PDE3A: variants seen among roughly 807,000 people sequenced by gnomAD.
PDE3A encodes the protein cGMP-inhibited 3',5'-cyclic phosphodiesterase 3A.
A neutral mutation model predicts 98.3 loss-of-function variants in PDE3A; 43 were observed. The ratio of observed to expected loss-of-function variants is 0.44; its 90% CI spans 0.34 to 0.56. PDE3A has a LOEUF of 0.56. PDE3A is among the 20% of genes least tolerant of loss of function. The probability of loss-of-function intolerance (pLI) is 0.01; values close to 1 mark genes in which losing one functional copy is unlikely to be tolerated. For synonymous variants in PDE3A, 663 were observed against 567.9 expected (o/e 1.17, Z -2.38); for missense variants, 1,427 against 1,440.7 (o/e 0.99, Z 0.15).
chr12:20,372,676 A>T (rs1284296342), intron 1 of PDE3A, among the ~76,000 whole-genome samples: 2 of 152,168 alleles, frequency 1.3e-5, no homozygotes, highest in East Asian at 3.8e-4. Flanking sequence ...GTGAAGTCAA[A>T]CATCAAAATA....
At chr12:20,524,862 C>T (rs954310215) in intron 1 of PDE3A, among the ~76,000 whole-genome samples, 4 of 152,012 alleles carry the variant, frequency 2.6e-5, no homozygotes, top group Non-Finnish European at 5.9e-5. Context: ...AGGCCGGGCT[C>T]GGTGGCTCAC....
At chr12:20,384,698 G>A (rs939877334) in intron 1 of PDE3A, among the ~76,000 whole-genome samples, 6 of 151,484 alleles carry the variant, frequency 4.0e-5, no homozygotes, top group African/African-American at 1.2e-4. Context: ...CGCCCCACCC[G>A]ACAGACTCCA....
intron 1 of PDE3A, among the ~76,000 whole-genome samples, chr12:20,376,518 T>G (rs1450461404): frequency 6.6e-6 from 1 of 151,992 alleles, no homozygotes; most frequent in Non-Finnish European, 1.5e-5. Flanking sequence ...TGGAATGAAT[T>G]ATTCTTGACT....
chr12:20,647,806 T>C (rs779911198), intron 12 of PDE3A, among the ~76,000 whole-genome samples: 8 of 152,102 alleles, frequency 5.3e-5, no homozygotes, highest in Non-Finnish European at 1.0e-4. Flanking sequence ...TCCACTTGTC[T>C]TTCATACACC....
rs536935730 is a variant in PDE3A, at chr12:20,583,610, A to C, written c.1011+26900A>C. 1.7e-3 allele frequency among the ~76,000 whole-genome samples: 256 copies of C among 152,320 alleles called. 1 individual carries two copies. The highest frequency in any genetic ancestry group is 5.9e-3 in the African/African-American group (245 of 41,570). On this transcript the variant is annotated intron_variant, in intron 2 of 15. Coordinates refer to ENST00000359062, the MANE Select transcript of PDE3A (RefSeq NM_000921.5). ...CAACTTACTTAAACTCTATGAGCTAATCTGTAAAATACACATAATATTAGT... is the reference window on the plus strand; with the variant it reads ...CAACTTACTTAAACTCTATGAGCTACTCTGTAAAATACACATAATATTAGT...
rs1943428104 is a variant in PDE3A at position 20,369,786 on chromosome 12, T to A, written c.502T>A (p.Cys168Ser). 1.9e-6 allele frequency: 3 copies of A among 1,612,350 alleles called. No individual in the cohort carries two copies. In the African/African-American group the frequency reaches 4.0e-5, roughly 22 times the overall value. ...PLAVALLAAC[C>S]GGEALVQIGL... is the part of the protein sequence containing the mutation. The stretch of plus-strand genomic sequence containing the variant: ...GGCTGTCGCGCTGCTGGCCGCCTGC[T>A]GCGGGGGGGAAGCGCTCGTCCAGAT... The change falls in exon 1 of 16, where the codon TGC (cysteine) becomes AGC (serine). Residue 168 changes from cysteine to serine, a missense_variant. Transcript: ENST00000359062.
intron 1 of PDE3A, among the ~76,000 whole-genome samples, chr12:20,510,994 G>A (rs1405216375): frequency 6.6e-6 from 1 of 151,978 alleles, no homozygotes; most frequent in Non-Finnish European, 1.5e-5. Context: ...CTTCAGTCAC[G>A]AGTCAGCCAG....
In PDE3A at chr12:20,500,896, T is replaced by C. The variant is rs570836675; in HGVS notation, c.961-55764T>C. 5.3e-5 allele frequency among the ~76,000 whole-genome samples: 8 copies of C among 151,926 alleles called. No homozygotes were observed. The South Asian group carries it at 1.5e-3, about 28-fold the overall frequency. ...AATCCTCCTGACTCAGTCCCTGAAG[T>C]AGCTGGAACTACAAGTGTGCGCTAC... On this transcript the variant is annotated intron_variant, in intron 1 of 15. Coordinates refer to ENST00000359062, the MANE Select transcript of PDE3A (RefSeq NM_000921.5).
Position 20,688,358 on chromosome 12 carries a change from A to G in PDE3A, c.*8087A>G, listed in dbSNP as rs1038046174. Among the ~76,000 whole-genome samples, 5 of 151,666 alleles carry G rather than the reference A, an allele frequency of 3.3e-5. No individual in the cohort carries two copies. The highest frequency in any genetic ancestry group is 9.7e-5 in the African/African-American group (4 of 41,308). ...TTTGTAAAAAGTAGAATCTGTACAG[A>G]AAAAAAACTAGATCAATTGTATTTA... On this transcript the variant is annotated 3_prime_UTR_variant, in exon 16 of 16. Transcript: ENST00000359062.
rs756698644 is a variant in PDE3A, at chr12:20,630,055, G to A, written c.1688G>A (p.Arg563Lys). ...GCCAAACAAAGCCTAGGTTCTCACAGGGCCTTAACTTACACTCAGAGTGCC... is the reference window on the plus strand; with the variant it reads ...GCCAAACAAAGCCTAGGTTCTCACAAGGCCTTAACTTACACTCAGAGTGCC... ...TTAKQSLGSHRALTYTQSAPD... is the reference protein window; with the variant it reads ...TTAKQSLGSHKALTYTQSAPD... The change falls in exon 6 of 16, where the codon AGG becomes AAG. Residue 563 changes from arginine to lysine, a missense_variant. Transcript: ENST00000359062. The A allele has an allele frequency of 6.2e-7, 1 of 1,613,962 alleles. No individual in the cohort carries two copies. Among genetic ancestry groups the A allele is most frequent in the East Asian group, 2.2e-5 (1 of 44,862 alleles).
In PDE3A at chr12:20,370,218, T is replaced by C; in HGVS notation, c.934T>C (p.Ser312Pro). The change falls in exon 1 of 16, where the codon TCC becomes CCC. Residue 312 changes from serine (S) to proline (P), a missense_variant. Physicochemically the swap from Ser to Pro is moderately conservative, Grantham distance 74. Around this residue, in one of 3 missense-constraint regions of PDE3A, gnomAD observed 1,012 missense variants for 886.5 expected, o/e 1.14. Transcript: ENST00000359062. ...GCSSKSHRRT[S>P]LPCIPREQLM... ...CAGCAGCAAGTCCCATCGGAGGACC[T>C]CCCTGCCCTGTATACCGAGGGAACA... The C allele has an allele frequency of 6.3e-7, 1 of 1,589,422 alleles. No homozygotes were observed. Among genetic ancestry groups the C allele is most frequent in the Non-Finnish European group, 8.6e-7 (1 of 1,169,588 alleles).
At chr12:20,371,823 T>C (rs1839166365) in intron 1 of PDE3A, among the ~76,000 whole-genome samples, 1 of 152,176 alleles carries the variant, frequency 6.6e-6, no homozygotes. Flanking sequence ...CTAACCATTT[T>C]AATTTCTTTT....
chr12:20,571,421 AC>A (rs1236565816), intron 2 of PDE3A, among the ~76,000 whole-genome samples: 1 of 151,782 alleles, frequency 6.6e-6, no homozygotes, highest in Non-Finnish European at 1.5e-5. Context: ...ATGAATGCTG[AC>A]CCCCCTGGAG....
intron 1 of PDE3A, among the ~76,000 whole-genome samples, chr12:20,493,511 C>A (rs1014887869): frequency 6.6e-6 from 1 of 152,164 alleles, no homozygotes; most frequent in African/African-American, 2.4e-5. Context: ...GGTCCTAGAG[C>A]AAATTCCCCT....
At chr12:20,528,052 G>C (rs1946558876) in intron 1 of PDE3A, among the ~76,000 whole-genome samples, 1 of 152,100 alleles carries the variant, frequency 6.6e-6, no homozygotes, top group East Asian at 1.9e-4. Context: ...CAGTCCTTTT[G>C]AGCAGGTTTT....
chr12:20,494,222 T>G (rs1945878836), intron 1 of PDE3A, among the ~76,000 whole-genome samples: 1 of 152,232 alleles, frequency 6.6e-6, no homozygotes, highest in Admixed American at 6.5e-5. Flanking sequence ...CCTTTTATTT[T>G]TCTTGGTCCT....
At position 20,646,806 on chromosome 12, in the gene PDE3A, T is replaced by C; in HGVS notation, c.2421T>C (p.Tyr807=). 3 of 1,611,788 alleles carry C rather than the reference T, an allele frequency of 1.9e-6. No individual in the cohort carries two copies. Among genetic ancestry groups the C allele is most frequent in the Non-Finnish European group, 2.5e-6 (3 of 1,177,936 alleles). The change falls in exon 12 of 16, where the codon TAT becomes TAC. Residue 807 remains tyrosine, a synonymous_variant. Coordinates refer to ENST00000359062, the MANE Select transcript of PDE3A (RefSeq NM_000921.5). ...GHMGYVFSKT[Y]NVTDDKYGCL... ...TGGGATATGTATTCTCAAAAACGTA[T>C]AATGTGACAGATGATAAATACGGAT... is the stretch of plus-strand genomic sequence containing the variant.
At chr12:20,385,151 G>A (rs112902590) in intron 1 of PDE3A, among the ~76,000 whole-genome samples, 2,991 of 151,684 alleles carry the variant, frequency 0.02, 94 homozygotes, top group African/African-American at 0.069. Context: ...CCCACCACCA[G>A]TGTAAACGCG....
intron 15 of PDE3A, among the ~76,000 whole-genome samples, chr12:20,667,974 C>A (rs1326540438): frequency 1.3e-5 from 2 of 152,088 alleles, no homozygotes; most frequent in Non-Finnish European, 2.9e-5. Flanking sequence ...ACAGTGGGCG[C>A]AGGTCAGTGG....
Sources: gnomAD v4.1 joint callset for allele counts (sites outside exome capture counted in the v4.1 genomes callset) on GRCh38, gnomAD v4.1.1 for gene constraint, gnomAD v4.1.1 regional missense constraint, MANE v1.5 for transcripts, NCBI Gene and HGNC (gene_info 2026-07-23, HGNC 2026-07-21) for gene names.